TTC24: variants seen among roughly 807,000 people sequenced by gnomAD.
TTC24 encodes the protein tetratricopeptide repeat protein 24.
TTC24 carries 54 observed loss-of-function variants against 63.3 expected under a neutral mutation model. The ratio of observed to expected loss-of-function variants is 0.85; its 90% confidence interval spans 0.69 to 1.07. The LOEUF is 1.07. Among genes scored for constraint, TTC24 ranks in the 50% least tolerant of loss-of-function variants. The probability of loss-of-function intolerance (pLI) is 0.00; values close to 1 mark genes in which losing one functional copy is unlikely to be tolerated. For synonymous variants in TTC24, 276 were observed against 304.3 expected (o/e 0.91, Z 0.97); for missense variants, 680 against 730.5 (o/e 0.93, Z 0.80).
rs1420732911 is a variant in TTC24 at position 156,583,802 on chromosome 1, G to A, written c.1158G>A (p.Glu386=). Residue 386 remains glutamate (E), a synonymous_variant, in exon 6 of 11, where the codon GAG becomes GAA. Transcript: ENST00000368236. This position sits in a 1 kb window ranked among gnomAD's most constrained non-coding sequence, Gnocchi z 4.0. ...YKEALAQCQK[E]PDSVRERLVA... The stretch of plus-strand genomic sequence containing the variant: ...ATTATCCACCCTCTTCCCAGAAGGA[G>A]CCAGATTCTGTGCGAGAACGGCTGG... 6.3e-7 allele frequency: 1 copy of A among 1,584,084 alleles called. No individual in the cohort carries two copies. Among genetic ancestry groups the A allele is most frequent in the Non-Finnish European group, 8.6e-7 (1 of 1,165,422 alleles).
Position 156,582,025 on chromosome 1 carries a change from A to G in TTC24, c.661A>G (p.Lys221Glu). Residue 221 changes from lysine to glutamate, a missense_variant, in exon 2 of 11, where the codon AAA becomes GAA. Transcript: ENST00000368236. ...GGGGGAAGTTGTGCAGGTGCTGGAG[A>G]AAAGCCGGAGGCTTGCCGAGAGGAG... ...RVGEVVQVLE[K>E]SRRLAERSTE... 6.7e-7 allele frequency: 1 copy of G among 1,483,770 alleles called. No homozygotes were observed. The highest frequency in any genetic ancestry group is 8.9e-7 in the Non-Finnish European group (1 of 1,118,358). 91.9% of individuals were successfully genotyped at this position (1,483,770 alleles called of 1,614,324 possible).
chr1:156,583,745 G>C lies in TTC24; in HGVS notation c.1153-52G>C. 2 of 1,287,540 alleles carry C rather than the reference G, an allele frequency of 1.6e-6. No homozygotes were observed. Among genetic ancestry groups the C allele is most frequent in the Non-Finnish European group, 2.2e-6 (2 of 908,246 alleles). The allele number at this position is 1,287,540 out of a possible 1,614,324, so 79.8% of individuals were successfully genotyped here. A position where few individuals can be genotyped will look rare whatever the true frequency, so the allele number is the denominator to read the frequency against. ...TTTCCTTCTTCCCCAACCCCCAGAG[G>C]ACCATAAGGTCCAGGCATTCCCCAT... On this transcript the variant is annotated intron_variant, in intron 5 of 10. Coordinates refer to ENST00000368236, the MANE Select transcript of TTC24 (RefSeq NM_001105669.4). This position sits in a 1 kb window ranked among gnomAD's most constrained non-coding sequence, Gnocchi z 4.0.
Position 156,584,919 on chromosome 1 carries a change from CA to C in TTC24, c.1295del (p.Gln432ArgfsTer46). The C allele has an allele frequency of 6.2e-7, 1 of 1,602,794 alleles. No homozygotes were observed. Among genetic ancestry groups the C allele is most frequent in the South Asian group, 1.1e-5 (1 of 88,762 alleles). On this transcript the variant is annotated frameshift_variant, in exon 7 of 11. Coordinates refer to ENST00000368236, the MANE Select transcript of TTC24 (RefSeq NM_001105669.4). LOFTEE classifies it high-confidence loss of function. The stretch of plus-strand genomic sequence containing the variant: ...ACTCCAGGCTCCAGGTGGGGCCAGC[CA>C]GGCGGAGGGGACCCCAGCAAAGGCA... ...GRLQAPGGAS[Q>X]AEGTPAKAGS... is the part of the protein sequence containing the mutation.
rs1036219464 is a variant in TTC24, at chr1:156,583,925, G to C, written c.1251+30G>C. 2 of 1,542,820 alleles carry C rather than the reference G, an allele frequency of 1.3e-6. No individual in the cohort carries two copies. Among genetic ancestry groups the C allele is most frequent in the Non-Finnish European group, 1.8e-6 (2 of 1,136,854 alleles). ...GATGACACCTGAGACAAGGAGATGG[G>C]GGTGGAGAGAGGTTACCCAGAGAAG... On this transcript the variant is annotated intron_variant, in intron 6 of 10. Transcript: ENST00000368236. The surrounding 1 kb of genome is among the most constrained non-coding windows in gnomAD (Gnocchi z 4.0).
Position 156,585,173 on chromosome 1 carries a change from GAA to G in TTC24, c.1403_1404del (p.Lys468ArgfsTer34), listed in dbSNP as rs765522798. 6.2e-7 allele frequency: 1 copy of G among 1,613,292 alleles called. No homozygotes were observed. The highest frequency in any genetic ancestry group is 8.5e-7 in the Non-Finnish European group (1 of 1,179,620). ...AAGAGTTTGAGGAGGGCCACCAGAA[GAA>G]AAAAGAGGAGAGGTCGGCAAACGTT... ...DEEFEEGHQK[K>X]KEERSANVPV... On this transcript the variant is annotated frameshift_variant, in exon 8 of 11. Transcript: ENST00000368236. LOFTEE classifies it high-confidence loss of function.
chr1:156,582,045 G>A lies in TTC24; in HGVS notation c.681G>A (p.Glu227=), dbSNP rs1677013305. 5 of 1,474,820 alleles carry A rather than the reference G, an allele frequency of 3.4e-6. No homozygotes were observed. The highest frequency in any genetic ancestry group is 2.7e-5 in the Admixed American group (1 of 37,038). 91.4% of individuals were successfully genotyped at this position (1,474,820 alleles called of 1,614,324 possible). Residue 227 remains glutamate, a synonymous_variant, in exon 2 of 11, where the codon GAG becomes GAA. Transcript: ENST00000368236. ...TGGAGAAAAGCCGGAGGCTTGCCGA[G>A]AGGAGCACTGAGAGGCGACTGCTGG... is the stretch of plus-strand genomic sequence containing the variant. The part of the protein sequence containing the change: ...QVLEKSRRLA[E]RSTERRLLGH...
In TTC24 at chr1:156,582,368, G is replaced by A; in HGVS notation, c.844G>A (p.Ala282Thr). ...QATVLRNLGM[A>T]HNALGNYQEA... ...CACAGTGCTAAGAAACCTCGGGATG[G>A]CCCACAATGCCCTCGGCAACTATCA... The change falls in exon 3 of 11, where the codon GCC (alanine) becomes ACC (threonine). Residue 282 changes from alanine (A) to threonine (T), a missense_variant. Coordinates refer to ENST00000368236, the MANE Select transcript of TTC24 (RefSeq NM_001105669.4). The A allele has an allele frequency of 6.2e-7, 1 of 1,613,300 alleles. No individual in the cohort carries two copies. Among genetic ancestry groups the A allele is most frequent in the Non-Finnish European group, 8.5e-7 (1 of 1,179,638 alleles).
In TTC24 at chr1:156,581,693, AG is replaced by A. The variant is rs544901019; in HGVS notation, c.331del (p.Ala111HisfsTer62). The part of the protein sequence containing the change: ...ELLLRAHPEE[K>X]AQGRRHGDQC... ...CTCCTGCGAGCCCACCCTGAAGAGA[AG>A]GCACAGGGCAGGCGACACGGCGACC... is the stretch of plus-strand genomic sequence containing the variant. On this transcript the variant is annotated frameshift_variant, in exon 2 of 11. Transcript: ENST00000368236. LOFTEE classifies it high-confidence loss of function. 84 of 1,551,766 alleles carry A rather than the reference AG, an allele frequency of 5.4e-5. No homozygotes were observed. The East Asian group carries it at 1.6e-3, about 30-fold the overall frequency.
At position 156,583,624 on chromosome 1, in the gene TTC24, A is replaced by G. The variant is rs571759578; in HGVS notation, c.1153-173A>G. On this transcript the variant is annotated intron_variant, in intron 5 of 10. Coordinates refer to ENST00000368236, the MANE Select transcript of TTC24 (RefSeq NM_001105669.4). This position sits in a 1 kb window ranked among gnomAD's most constrained non-coding sequence, Gnocchi z 4.0. Reference sequence around the variant, plus strand: ...TGTGAGGAAGAGTTCATCGCTGTCCACAATTCTGGGCAGGTGGTGGCAGGA... The same window carrying G: ...TGTGAGGAAGAGTTCATCGCTGTCCGCAATTCTGGGCAGGTGGTGGCAGGA... Among the ~76,000 whole-genome samples, 6 of 152,280 alleles carry G rather than the reference A, an allele frequency of 3.9e-5. No individual in the cohort carries two copies. In the East Asian group the frequency reaches 7.7e-4, roughly 20 times the overall value.
rs894738701 is a variant in TTC24, at chr1:156,581,963, C to T, written c.599C>T (p.Ala200Val). Residue 200 changes from alanine (A) to valine (V), a missense_variant, in exon 2 of 11, where the codon GCG (alanine) becomes GTG (valine). Coordinates refer to ENST00000368236, the MANE Select transcript of TTC24 (RefSeq NM_001105669.4). ...LRAAALALGA[A>V]AGCMLKSGRH... Reference sequence around the variant, plus strand: ...GCCGCAGCCCTGGCACTGGGGGCTGCGGCAGGATGTATGCTGAAGAGTGGG... The same window carrying T: ...GCCGCAGCCCTGGCACTGGGGGCTGTGGCAGGATGTATGCTGAAGAGTGGG... The T allele has an allele frequency of 9.0e-5, 138 of 1,534,296 alleles. 3 individuals are homozygous for T. Among genetic ancestry groups the T allele is most frequent in the Middle Eastern group, 1.7e-4 (1 of 5,900 alleles).
In TTC24 at chr1:156,584,872, C is replaced by T; in HGVS notation, c.1252-5C>T. The T allele has an allele frequency of 6.4e-7, 1 of 1,556,398 alleles. No homozygotes were observed. Among genetic ancestry groups the T allele is most frequent in the Non-Finnish European group, 8.7e-7 (1 of 1,152,554 alleles). On this transcript the variant is annotated splice_region_variant and splice_polypyrimidine_tract_variant and intron_variant, in intron 6 of 10. Transcript: ENST00000368236. ...CCTATTCCCTTTACTCCACTTCATTCCCAGACTTCGGCTCCGGGAAGACTC... is the reference window on the plus strand; with the variant it reads ...CCTATTCCCTTTACTCCACTTCATTTCCAGACTTCGGCTCCGGGAAGACTC...
rs1171784362 is a variant in TTC24, at chr1:156,585,957, C to T, written c.1579C>T (p.Pro527Ser). The T allele has an allele frequency of 7.5e-6, 12 of 1,601,438 alleles. No individual in the cohort carries two copies. Among genetic ancestry groups the T allele is most frequent in the Non-Finnish European group, 1.0e-5 (12 of 1,173,542 alleles). ...TGTCCTTCTCCATCTAGGTCCAGGA[C>T]CCAGGGCCCATCTTCCATTTGTAGG... ...LGKASIYSPG[P>S]RAHLPFVGPG... The change falls in exon 10 of 11, where the codon CCC becomes TCC. Residue 527 changes from proline to serine, a missense_variant. By Grantham distance (74) the Pro-to-Ser change is moderately conservative. Transcript: ENST00000368236.
At position 156,583,668 on chromosome 1, in the gene TTC24, G is replaced by A. The variant is rs1645247629; in HGVS notation, c.1153-129G>A. The A allele has an allele frequency of 1.0e-6, 1 of 970,794 alleles. No homozygotes were observed. The highest frequency in any genetic ancestry group is 1.6e-6 in the Non-Finnish European group (1 of 637,304). The allele number at this position is 970,794 out of a possible 1,614,324, so 60.1% of individuals were successfully genotyped here. On this transcript the variant is annotated intron_variant, in intron 5 of 10. Transcript: ENST00000368236. This position sits in a 1 kb window ranked among gnomAD's most constrained non-coding sequence, Gnocchi z 4.0. ...GGCAGGACCCTGGGAAAGGCATGGG[G>A]ATGGGGTAGAAGAGAGGGGAAACAA... is the stretch of plus-strand genomic sequence containing the variant.
At position 156,585,842 on chromosome 1, in the gene TTC24, C is replaced by T. The variant is rs1393042750; in HGVS notation, c.1570+16C>T. 2 of 1,599,490 alleles carry T rather than the reference C, an allele frequency of 1.3e-6. No individual in the cohort carries two copies. The highest frequency in any genetic ancestry group is 1.7e-5 in the Admixed American group (1 of 59,984). On this transcript the variant is annotated intron_variant, in intron 9 of 10. Transcript: ENST00000368236. ...TCCATCTATAGTGAGCAGTGCATCC[C>T]CTGACACCGCCCCAACTCGTGGTTC...
In TTC24 at chr1:156,581,488, G is replaced by A; in HGVS notation, c.124G>A (p.Ala42Thr). Reference protein sequence around the residue: ...QEASIQALTRAGHGALQAGQN... With the variant: ...QEASIQALTRTGHGALQAGQN... The stretch of plus-strand genomic sequence containing the variant: ...AGCCAGCATCCAAGCCCTCACCAGG[G>A]CTGGCCATGGGGCCCTTCAGGCTGG... Residue 42 changes from alanine to threonine, a missense_variant, in exon 2 of 11, where the codon GCT (alanine) becomes ACT (threonine). Transcript: ENST00000368236. 1 of 1,551,440 alleles carries A rather than the reference G, an allele frequency of 6.4e-7. No homozygotes were observed. Among genetic ancestry groups the A allele is most frequent in the South Asian group, 1.2e-5 (1 of 84,048 alleles).
At chr1:156,582,774 A>T (rs1330497391) in intron 3 of TTC24, among the ~76,000 whole-genome samples, 5 of 152,210 alleles carry the variant, frequency 3.3e-5, no homozygotes, top group Non-Finnish European at 7.3e-5. Context: ...CAGTTTCCAC[A>T]TTTTTAAAAA....
intron 3 of TTC24, 82 bp from the exon 4 acceptor site, chr1:156,582,959 TC>T (rs1285018955): frequency 8.6e-6 from 13 of 1,508,118 alleles, no homozygotes; most frequent in Middle Eastern, 4.8e-4. Context: ...TCCTGGGAGG[TC>T]TGTCTTGGTT....
At position 156,585,749 on chromosome 1, in the gene TTC24, A is replaced by G. The variant is rs959365888; in HGVS notation, c.1493A>G (p.His498Arg). 2.5e-6 allele frequency: 4 copies of G among 1,613,830 alleles called. No homozygotes were observed. The highest frequency in any genetic ancestry group is 3.4e-6 in the Non-Finnish European group (4 of 1,179,886). Residue 498 changes from histidine (H) to arginine (R), a missense_variant, in exon 9 of 11, where the codon CAT (histidine) becomes CGT (arginine). Transcript: ENST00000368236. ...CCAGGCACAGTGAATCATTCGCACCATCTAGCTTCTAGTTGCCCCACGTTT... is the reference window on the plus strand; with the variant it reads ...CCAGGCACAGTGAATCATTCGCACCGTCTAGCTTCTAGTTGCCCCACGTTT... ...FLPGTVNHSH[H>R]LASSCPTFTK...
Position 156,581,836 on chromosome 1 carries a change from G to T in TTC24, c.472G>T (p.Ala158Ser), listed in dbSNP as rs116035113. ...QPQGDQGEAWAKMGACYQALG... is the reference protein window; with the variant it reads ...QPQGDQGEAWSKMGACYQALG... ...ACAGGGTGACCAGGGAGAAGCCTGGGCAAAAATGGGAGCCTGCTACCAGGC... is the reference window on the plus strand; with the variant it reads ...ACAGGGTGACCAGGGAGAAGCCTGGTCAAAAATGGGAGCCTGCTACCAGGC... Residue 158 changes from alanine to serine, a missense_variant, in exon 2 of 11, where the codon GCA becomes TCA. Physicochemically the swap from Ala to Ser is moderately conservative, Grantham distance 99. Coordinates refer to ENST00000368236, the MANE Select transcript of TTC24 (RefSeq NM_001105669.4). 16,240 of 1,549,778 alleles carry T rather than the reference G, an allele frequency of 0.01. 165 individuals are homozygous for T. The highest frequency in any genetic ancestry group is 0.051 in the African/African-American group (3,759 of 73,096).
Sources: allele counts gnomAD v4.1 joint callset (sites outside exome capture counted in the v4.1 genomes callset), GRCh38; gene constraint gnomAD v4.1.1; non-coding constraint Gnocchi (gnomAD v3.1); transcripts MANE v1.5; gene names NCBI Gene and HGNC (gene_info 2026-07-23, HGNC 2026-07-21).